PTPN20: variants seen among roughly 807,000 people sequenced by gnomAD.
PTPN20 encodes the protein protein tyrosine phosphatase non-receptor type 20.
Under a neutral mutation model 35.0 loss-of-function variants are expected in PTPN20, and 9 were observed. The ratio of observed to expected loss-of-function variants is 0.26; its 90% CI spans 0.15 to 0.45. The LOEUF is 0.45. Ranked by LOEUF, PTPN20 falls within the 20% of genes least tolerant of loss-of-function variation. PTPN20 has a pLI of 1.00. For missense variants in PTPN20, 111 were observed against 312.5 expected (o/e 0.36, Z 4.86); for synonymous variants, 32 against 100.2 (o/e 0.32, Z 4.06).
At chr10:46,975,752 C>A (rs1214285418) in intron 7 of PTPN20, among the ~76,000 whole-genome samples, 155 of 152,236 alleles carry the variant, frequency 1.0e-3, no homozygotes, top group African/African-American at 3.7e-3. Flanking sequence ...CCCTTTGCCT[C>A]CTGGGTTCAA....
rs1272952252 is a variant in PTPN20, at chr10:46,949,225, T to A, written c.340+2550T>A. 3.3e-5 allele frequency among the ~76,000 whole-genome samples: 5 copies of A among 152,196 alleles called. No individual in the cohort carries two copies. The East Asian group carries it at 7.7e-4, about 23-fold the overall frequency. ...TGGTTCTTCCCGTTTCCTGCTCTGC[T>A]CTCAGTCTTTCTTATGAGCACCTGT... On this transcript the variant is annotated intron_variant, in intron 5 of 10. Coordinates refer to ENST00000374339, the MANE Select transcript of PTPN20 (RefSeq NM_001042357.5).
At chr10:46,995,441 G>A (rs950349786) in intron 9 of PTPN20, among the ~76,000 whole-genome samples, 1 of 148,222 alleles carries the variant, frequency 6.7e-6, no homozygotes, top group African/African-American at 2.5e-5. Flanking sequence ...CAATAAGAGA[G>A]CTGCTCATTC....
At chr10:47,000,399 G>T (rs2059897953) in intron 10 of PTPN20, among the ~76,000 whole-genome samples, 1 of 152,164 alleles carries the variant, frequency 6.6e-6, no homozygotes, top group African/African-American at 2.4e-5. Flanking sequence ...AGTAGTCATT[G>T]GGAGGGTAGA....
intron 2 of PTPN20, among the ~76,000 whole-genome samples, chr10:46,939,981 G>A (rs1555132542): frequency 6.6e-6 from 1 of 152,068 alleles, no homozygotes; most frequent in Non-Finnish European, 1.5e-5. Flanking sequence ...GGCTCCCATG[G>A]TATGAGAAAC....
chr10:46,983,199 C>A (rs1324164193), intron 7 of PTPN20, among the ~76,000 whole-genome samples: 1 of 151,662 alleles, frequency 6.6e-6, no homozygotes, highest in Non-Finnish European at 1.5e-5. Context: ...GCCTCAGTCT[C>A]CTGAGTAACT....
chr10:46,936,362 CG>C (rs1266270649), intron 2 of PTPN20, among the ~76,000 whole-genome samples: 9 of 151,960 alleles, frequency 5.9e-5, no homozygotes, highest in Admixed American at 1.3e-4. Flanking sequence ...CCTTCTGGCC[CG>C]GGCTCTTTCT....
chr10:46,981,143 A>G (rs1555170473), intron 7 of PTPN20, among the ~76,000 whole-genome samples: 1 of 149,574 alleles, frequency 6.7e-6, no homozygotes, highest in African/African-American at 2.4e-5. Flanking sequence ...ACGTGAATAG[A>G]TCTTGCTAGA....
chr10:46,990,138 C>T (rs2057662418), intron 9 of PTPN20, among the ~76,000 whole-genome samples: 1 of 147,984 alleles, frequency 6.8e-6, no homozygotes, highest in South Asian at 2.2e-4. Flanking sequence ...TTTGGGAGGC[C>T]GAGGCGGGTG....
At position 47,001,033 on chromosome 10, in the gene PTPN20, C is replaced by G. The variant is rs1590080655; in HGVS notation, c.*292C>G. 1 of 478,254 alleles carries G rather than the reference C, an allele frequency of 2.1e-6. No homozygotes were observed. Among genetic ancestry groups the G allele is most frequent in the East Asian group, 3.9e-5 (1 of 25,784 alleles). The allele number at this position is 478,254 out of a possible 1,614,324, so 29.6% of individuals were successfully genotyped here. A position where few individuals can be genotyped will look rare whatever the true frequency, so the allele number is the denominator to read the frequency against. On this transcript the variant is annotated 3_prime_UTR_variant, in exon 11 of 11. Coordinates refer to ENST00000374339, the MANE Select transcript of PTPN20 (RefSeq NM_001042357.5). ...CTTGGCTATTTGGTTGAAGGGATTA[C>G]AGAGCCCAATAAAGGATTTAAAATA...
At chr10:46,993,738 C>A (rs1177953273) in intron 9 of PTPN20, among the ~76,000 whole-genome samples, 1 of 152,200 alleles carries the variant, frequency 6.6e-6, no homozygotes, top group Non-Finnish European at 1.5e-5. Context: ...TTTTATATTA[C>A]CTTTCTCTTA....
intron 10 of PTPN20, 114 bp downstream of exon 10, chr10:47,000,088 T>A (rs1354186917): frequency 1.4e-6 from 2 of 1,459,990 alleles, no homozygotes; most frequent in African/African-American, 1.4e-5. Flanking sequence ...GAATTCCTAC[T>A]GTTTGAGGTA....
chr10:47,000,736 G>T lies in PTPN20; in HGVS notation c.1258G>T (p.Asp420Tyr). 6.2e-7 allele frequency: 1 copy of T among 1,613,462 alleles called. No homozygotes were observed. The highest frequency in any genetic ancestry group is 8.5e-7 in the Non-Finnish European group (1 of 1,179,550). ...LEVLRKLLTL[D>Y] Reference sequence around the variant, plus strand: ...AGTTCTTCGGAAACTTCTGACTTTGGATTAAGAAAGACTTCTGTTGCCTCT... The same window carrying T: ...AGTTCTTCGGAAACTTCTGACTTTGTATTAAGAAAGACTTCTGTTGCCTCT... The change falls in exon 11 of 11, where the codon GAT becomes TAT. Residue 420 changes from aspartate to tyrosine, a missense_variant. By Grantham distance (160) the Asp-to-Tyr change is radical. This residue lies in a region of PTPN20 where 61 missense variants were observed against 54.3 expected (regional missense o/e 1.12). Transcript: ENST00000374339.
At chr10:46,918,233 A>T (rs1470658223) in intron 1 of PTPN20, among the ~76,000 whole-genome samples, 1 of 2,200 alleles carries the variant, frequency 4.5e-4, no homozygotes, top group Middle Eastern at 0.071. Flanking sequence ...TGGCTTCCAC[A>T]TTGGAGGGTG....
At chr10:46,993,835 C>T (rs2137518459) in intron 9 of PTPN20, among the ~76,000 whole-genome samples, 1 of 152,270 alleles carries the variant, frequency 6.6e-6, no homozygotes, top group African/African-American at 2.4e-5. Flanking sequence ...ACCATCATTA[C>T]AATAATAGAG....
chr10:46,923,233 T>G (rs1294230115), intron 1 of PTPN20, among the ~76,000 whole-genome samples: 2 of 144,256 alleles, frequency 1.4e-5, no homozygotes, highest in African/African-American at 5.7e-5. Flanking sequence ...AGCCTTCAGA[T>G]AGAGTGCAGC....
intron 5 of PTPN20, among the ~76,000 whole-genome samples, chr10:46,954,467 T>A (rs2047836626): frequency 6.9e-6 from 1 of 145,456 alleles, no homozygotes; most frequent in African/African-American, 2.7e-5. Context: ...CTCTTTTTTT[T>A]AATGAGCTTT....
intron 5 of PTPN20, among the ~76,000 whole-genome samples, chr10:46,947,639 TAACCC>T (rs2045354585): frequency 3.3e-5 from 5 of 151,798 alleles, no homozygotes; most frequent in Non-Finnish European, 5.9e-5. Context: ...TTTTTATAGT[TAACCC>T]TTTACCCTAC....
intron 7 of PTPN20, among the ~76,000 whole-genome samples, chr10:46,977,308 T>C (rs1199521710): frequency 3.1e-4 from 48 of 152,394 alleles, no homozygotes; most frequent in African/African-American, 1.1e-3. Context: ...ATGAGTCAGT[T>C]CTTTAAAATA....
intron 5 of PTPN20, among the ~76,000 whole-genome samples, chr10:46,953,351 CTTTCTTTCTT>C (rs1565508337): frequency 8.0e-6 from 1 of 125,548 alleles, no homozygotes; most frequent in Non-Finnish European, 1.6e-5. Context: ...TTCTTTCTTT[CTTTCTTTCTT>C]TCTTTCTTTC....
Sources: gnomAD v4.1 joint callset for allele counts (sites outside exome capture counted in the v4.1 genomes callset) on GRCh38, gnomAD v4.1.1 for gene constraint, gnomAD v4.1.1 regional missense constraint, MANE v1.5 for transcripts, NCBI Gene and HGNC (gene_info 2026-07-23, HGNC 2026-07-21) for gene names.